SYT6: variants seen among roughly 807,000 people sequenced by gnomAD.
SYT6 encodes the protein synaptotagmin 6, also known as synaptotagmin-6.
SYT6 carries 24 observed loss-of-function variants against 38.4 expected under a neutral mutation model. The observed-to-expected ratio is 0.62, with a 90% CI of 0.45 to 0.88. SYT6 has a LOEUF of 0.88. SYT6 is among the 40% of genes least tolerant of loss of function. The pLI is 0.00. For missense variants in SYT6, 611 were observed against 621.0 expected (o/e 0.98, Z 0.17); for synonymous variants, 265 against 241.9 (o/e 1.10, Z -0.89).
At chr1:114,110,411 T>G (rs980403832) in intron 3 of SYT6, among the ~76,000 whole-genome samples, 1 of 152,086 alleles carries the variant, frequency 6.6e-6, no homozygotes, top group African/African-American at 2.4e-5. Flanking sequence ...TGCGGCCGCT[T>G]TATTCATAGT....
chr1:114,112,938 T>C (rs151023239), intron 3 of SYT6, among the ~76,000 whole-genome samples: 3 of 152,256 alleles, frequency 2.0e-5, no homozygotes, highest in African/African-American at 7.2e-5. Context: ...GGAGGGAAGA[T>C]ACCTTGGTCC....
At chr1:114,117,316 A>G (rs958034480) in intron 3 of SYT6, among the ~76,000 whole-genome samples, 2 of 152,242 alleles carry the variant, frequency 1.3e-5, no homozygotes, top group African/African-American at 4.8e-5. Context: ...CGAGACGTGC[A>G]TATAGCAAGA....
chr1:114,103,503 T>C (rs1019262642), intron 4 of SYT6, 98 bp downstream of exon 4: 14 of 1,525,554 alleles, frequency 9.2e-6, no homozygotes, highest in African/African-American at 1.4e-5. Context: ...GGTGCTTCTA[T>C]TCTAAGAATG....
intron 3 of SYT6, among the ~76,000 whole-genome samples, chr1:114,117,796 G>A (rs1033296747): frequency 1.3e-5 from 2 of 152,156 alleles, no homozygotes; most frequent in African/African-American, 4.8e-5. Context: ...AATGATATGG[G>A]GCAAGTCACT....
In SYT6 at chr1:114,097,896, T is replaced by G. The variant is rs1287387094; in HGVS notation, c.1365-19A>C. ...GCCCACTCTGAGGGAGAAACAAAAG[T>G]CCCAGCACTGGCTACCAGACATGCC... On this transcript the variant is annotated intron_variant, in intron 5 of 7. Transcript: ENST00000610222. 1 of 1,613,240 alleles carries G rather than the reference T, an allele frequency of 6.2e-7. No homozygotes were observed. The highest frequency in any genetic ancestry group is 1.7e-5 in the Admixed American group (1 of 59,978).
At chr1:114,119,887 C>T (rs1404336711) in intron 3 of SYT6, among the ~76,000 whole-genome samples, 1 of 152,090 alleles carries the variant, frequency 6.6e-6, no homozygotes, top group Non-Finnish European at 1.5e-5. Flanking sequence ...CTGGCTAGCA[C>T]AGTGGAACGC....
chr1:114,115,764 C>T (rs1342266734), intron 3 of SYT6, among the ~76,000 whole-genome samples: 2 of 152,040 alleles, frequency 1.3e-5, no homozygotes, highest in South Asian at 2.1e-4. Context: ...CTGGGAGGAG[C>T]GCATAATCAT....
intron 1 of SYT6, among the ~76,000 whole-genome samples, chr1:114,144,442 C>T (rs2101111134): frequency 6.6e-6 from 1 of 152,312 alleles, no homozygotes; most frequent in South Asian, 2.1e-4. Flanking sequence ...AGAACCTGGA[C>T]TAGGGTCCAG....
chr1:114,146,706 GTCT>G (rs947799263), intron 1 of SYT6, among the ~76,000 whole-genome samples: 6 of 152,222 alleles, frequency 3.9e-5, no homozygotes, highest in Admixed American at 3.3e-4. Context: ...CTTCTTCCCT[GTCT>G]TCTTCTTTAC....
intron 1 of SYT6, among the ~76,000 whole-genome samples, chr1:114,148,587 C>T (rs556517971): frequency 6.4e-4 from 97 of 152,194 alleles, no homozygotes; most frequent in Non-Finnish European, 1.0e-3. Flanking sequence ...GACGCAGAGG[C>T]CCAGGAGCTT....
intron 3 of SYT6, among the ~76,000 whole-genome samples, chr1:114,119,365 A>G (rs546306074): frequency 6.6e-6 from 1 of 152,352 alleles, no homozygotes; most frequent in African/African-American, 2.4e-5. Context: ...GCACATGGAC[A>G]GTCCCAAATT....
chr1:114,128,463 A>G (rs1223689992), intron 3 of SYT6, among the ~76,000 whole-genome samples: 1 of 152,196 alleles, frequency 6.6e-6, no homozygotes, highest in South Asian at 2.1e-4. Context: ...GCCTCTTGGC[A>G]TACTGCCAAA....
At chr1:114,117,412 G>T (rs1001917954) in intron 3 of SYT6, among the ~76,000 whole-genome samples, 3 of 152,242 alleles carry the variant, frequency 2.0e-5, no homozygotes, top group Non-Finnish European at 2.9e-5. Context: ...AGTCCCCACT[G>T]CCTGCCTGGT....
intron 5 of SYT6, among the ~76,000 whole-genome samples, chr1:114,098,375 T>C (rs1675774465): frequency 6.6e-6 from 1 of 152,258 alleles, no homozygotes; most frequent in African/African-American, 2.4e-5. Context: ...ATTGAGGCTT[T>C]ATTGCATGGT....
At chr1:114,122,481 TTGTGTG>T (rs142500087) in intron 3 of SYT6, among the ~76,000 whole-genome samples, 2,166 of 148,270 alleles carry the variant, frequency 0.015, 22 homozygotes, top group Non-Finnish European at 0.022. Context: ...GCATGTACAT[TTGTGTG>T]TGTGTGTGTG....
intron 3 of SYT6, among the ~76,000 whole-genome samples, chr1:114,134,600 T>A (rs920977184): frequency 3.9e-5 from 6 of 152,264 alleles, no homozygotes; most frequent in African/African-American, 1.4e-4. Context: ...GGAGGCCACA[T>A]GGAGGATGAC....
intron 3 of SYT6, among the ~76,000 whole-genome samples, chr1:114,105,451 A>T (rs1033543583): frequency 8.8e-5 from 6 of 68,000 alleles, no homozygotes; most frequent in African/African-American, 3.4e-4. Flanking sequence ...CCCCGAAAAA[A>T]GTCACCCCCC....
At chr1:114,095,351 A>T (rs1675568085) in intron 6 of SYT6, among the ~76,000 whole-genome samples, 1 of 152,174 alleles carries the variant, frequency 6.6e-6, no homozygotes, top group Admixed American at 6.5e-5. Context: ...ATTTGGCTTA[A>T]TTAGGTTATA....
intron 6 of SYT6, among the ~76,000 whole-genome samples, chr1:114,096,503 C>T (rs1020189923): frequency 6.6e-6 from 1 of 152,310 alleles, no homozygotes; most frequent in South Asian, 2.1e-4. Flanking sequence ...TGTCCTCCAT[C>T]CCCCAACAAC....
Sources: gnomAD v4.1 joint callset for allele counts (sites outside exome capture counted in the v4.1 genomes callset) on GRCh38, gnomAD v4.1.1 for gene constraint, MANE v1.5 for transcripts, NCBI Gene and HGNC (gene_info 2026-07-23, HGNC 2026-07-21) for gene names.